SOX6: variants seen among roughly 807,000 people sequenced by gnomAD.
The protein encoded by SOX6 is SRY-box transcription factor 6.
A neutral mutation model predicts 97.8 loss-of-function variants in SOX6; 11 were observed. The observed-to-expected ratio is 0.11, with a 90% CI of 0.07 to 0.19. The LOEUF is 0.19. Among genes scored for constraint, SOX6 ranks in the 10% least tolerant of loss-of-function variants. SOX6 has a pLI of 1.00. For synonymous variants in SOX6, 360 were observed against 371.4 expected (o/e 0.97, Z 0.35); for missense variants, 810 against 1,039.5 (o/e 0.78, Z 3.04).
chr11:16,437,570 CT>C (rs1210651019), intron 1 of SOX6, among the ~76,000 whole-genome samples: 1 of 152,150 alleles, frequency 6.6e-6, no homozygotes, highest in African/African-American at 2.4e-5. Flanking sequence ...AGTTTAGTTT[CT>C]CTATCACCTT....
chr11:16,522,068 C>G (rs202028302), intron 4 of SOX6, among the ~76,000 whole-genome samples: 5 of 151,636 alleles, frequency 3.3e-5, no homozygotes, highest in African/African-American at 7.3e-5. Flanking sequence ...AGGATATTAT[C>G]CAGGAGAACT....
chr11:16,552,914 A>C (rs1013249945), intron 4 of SOX6, among the ~76,000 whole-genome samples: 2 of 152,218 alleles, frequency 1.3e-5, no homozygotes, highest in Non-Finnish European at 2.9e-5. Flanking sequence ...ATGGCATTGT[A>C]TAATACCTAT....
intron 1 of SOX6, among the ~76,000 whole-genome samples, chr11:16,431,721 C>T (rs1259317386): frequency 6.6e-6 from 1 of 152,010 alleles, no homozygotes; most frequent in Non-Finnish European, 1.5e-5. Context: ...CTTGAATTTA[C>T]TAAACTTCCT....
At chr11:16,669,663 G>C (rs148033674) in intron 3 of SOX6, among the ~76,000 whole-genome samples, 1 of 152,280 alleles carries the variant, frequency 6.6e-6, no homozygotes, top group East Asian at 1.9e-4. Context: ...TGCCCTTGCT[G>C]TCTCCAGGCT....
chr11:16,183,749 A>C, intron 6 of SOX6, 137 bp downstream of exon 6: 2 of 717,198 alleles, frequency 2.8e-6, no homozygotes, highest in Non-Finnish European at 4.9e-6. Flanking sequence ...CAATTATAGA[A>C]TTGTGCACAA....
chr11:16,276,984 A>G (rs192635086), intron 3 of SOX6, among the ~76,000 whole-genome samples: 17 of 152,282 alleles, frequency 1.1e-4, no homozygotes, highest in Non-Finnish European at 2.5e-4. Flanking sequence ...TCTAGTAAAA[A>G]CAGTTTAATC....
intron 4 of SOX6, among the ~76,000 whole-genome samples, chr11:16,507,012 C>A (rs575941680): frequency 6.6e-6 from 1 of 152,142 alleles, no homozygotes; most frequent in African/African-American, 2.4e-5. Flanking sequence ...TGCAATGAGC[C>A]AAGATCATAC....
intron 1 of SOX6, among the ~76,000 whole-genome samples, chr11:16,437,418 C>A (rs1016420995): frequency 2.0e-5 from 3 of 152,290 alleles, no homozygotes; most frequent in Non-Finnish European, 4.4e-5. Flanking sequence ...AGCTCCATGA[C>A]AGCAGAGATG....
intron 9 of SOX6, among the ~76,000 whole-genome samples, chr11:16,090,897 T>C (rs1848670692): frequency 1.3e-5 from 2 of 152,104 alleles, no homozygotes. Context: ...ATTCTGATGA[T>C]GGTTCAGGGA....
At chr11:16,029,270 C>T (rs1002352835) in intron 12 of SOX6, among the ~76,000 whole-genome samples, 10 of 152,116 alleles carry the variant, frequency 6.6e-5, no homozygotes, top group African/African-American at 2.4e-4. Context: ...CACTTCTGCC[C>T]AGATAAGGAG....
chr11:16,301,397 G>A (rs1855252618), intron 3 of SOX6, among the ~76,000 whole-genome samples: 1 of 152,228 alleles, frequency 6.6e-6, no homozygotes, highest in South Asian at 2.1e-4. Flanking sequence ...ATATAGTAGA[G>A]TATATCTACT....
At chr11:16,280,740 G>A (rs1204502094) in intron 3 of SOX6, among the ~76,000 whole-genome samples, 1 of 151,998 alleles carries the variant, frequency 6.6e-6, no homozygotes, top group Non-Finnish European at 1.5e-5. Context: ...TCTTGTGTAC[G>A]GTTGAATTAC....
chr11:16,734,498 C>T (rs1848376558), intron 2 of SOX6, among the ~76,000 whole-genome samples: 1 of 152,052 alleles, frequency 6.6e-6, no homozygotes, highest in Non-Finnish European at 1.5e-5. Flanking sequence ...ATCCTTAAAT[C>T]TTCTCCTTCT....
intron 15 of SOX6, among the ~76,000 whole-genome samples, chr11:15,985,875 T>C (rs1853817548): frequency 1.3e-5 from 2 of 152,170 alleles, no homozygotes; most frequent in Admixed American, 1.3e-4. Flanking sequence ...TTCTTAAGGT[T>C]AGTTTTTATT....
chr11:16,234,736 T>A, intron 3 of SOX6, 65 bp from the exon 4 acceptor site: 1 of 977,312 alleles, frequency 1.0e-6, no homozygotes, highest in South Asian at 1.7e-5. Context: ...AGTCAGTTTA[T>A]GGGGAAATTC....
chr11:16,205,923 C>T (rs991525323), intron 4 of SOX6, among the ~76,000 whole-genome samples: 3 of 151,878 alleles, frequency 2.0e-5, no homozygotes, highest in Non-Finnish European at 2.9e-5. Flanking sequence ...AAGGATACTT[C>T]TAGTTTGGGT....
chr11:16,072,712 C>A (rs904248742), intron 9 of SOX6, among the ~76,000 whole-genome samples: 1 of 152,084 alleles, frequency 6.6e-6, no homozygotes, highest in Non-Finnish European at 1.5e-5. Flanking sequence ...GAGCAGGTAA[C>A]CTCAAAGGGA....
intron 4 of SOX6, among the ~76,000 whole-genome samples, chr11:16,188,019 C>T (rs1411450822): frequency 6.6e-6 from 1 of 152,106 alleles, no homozygotes; most frequent in Non-Finnish European, 1.5e-5. Context: ...GAAACCCCCT[C>T]ATTCCTACTA....
chr11:16,516,783 A>T (rs1860981283), intron 4 of SOX6, among the ~76,000 whole-genome samples: 1 of 150,944 alleles, frequency 6.6e-6, no homozygotes, highest in Non-Finnish European at 1.5e-5. Flanking sequence ...TTCTGAAACT[A>T]TTCCAATCAA....
Sources: gnomAD v4.1 joint callset for allele counts (sites outside exome capture counted in the v4.1 genomes callset) on GRCh38, gnomAD v4.1.1 for gene constraint, MANE v1.5 for transcripts, NCBI Gene and HGNC (gene_info 2026-07-23, HGNC 2026-07-21) for gene names.